The following SDK1 variants were observed in gnomAD, a reference collection of about 807,000 sequenced individuals.
SDK1 encodes the protein protein sidekick-1.
SDK1 carries 157 observed loss-of-function variants against 245.5 expected under a neutral mutation model. The observed-to-expected ratio is 0.64, with a 90% CI of 0.56 to 0.73. The LOEUF is 0.73. Among genes scored for constraint, SDK1 ranks in the 30% least tolerant of loss-of-function variants. The pLI, the probability that SDK1 is intolerant of heterozygous loss-of-function variation, is 0.00. For synonymous variants in SDK1, 1,647 were observed against 1,278.5 expected (o/e 1.29, Z -6.15); for missense variants, 3,583 against 3,002.3 (o/e 1.19, Z -4.52).
At chr7:3,983,581 C>A (rs1028819837) in intron 13 of SDK1, among the ~76,000 whole-genome samples, 1 of 152,224 alleles carries the variant, frequency 6.6e-6, no homozygotes, top group African/African-American at 2.4e-5. Flanking sequence ...TTTATATGCA[C>A]TGGGAAACCA....
At chr7:3,577,322 A>G (rs568521519) in intron 1 of SDK1, among the ~76,000 whole-genome samples, 9 of 152,212 alleles carry the variant, frequency 5.9e-5, no homozygotes, top group Admixed American at 5.9e-4. Context: ...TTTTACAGAC[A>G]AGGAAACAGA....
intron 1 of SDK1, among the ~76,000 whole-genome samples, chr7:3,388,055 T>G (rs574250915): frequency 1.3e-5 from 2 of 152,322 alleles, no homozygotes; most frequent in African/African-American, 2.4e-5. Context: ...ATTCTATATT[T>G]ATGTTCAGAT....
At chr7:3,647,118 G>A (rs547801464) in intron 4 of SDK1, among the ~76,000 whole-genome samples, 3 of 152,290 alleles carry the variant, frequency 2.0e-5, no homozygotes, top group East Asian at 1.9e-4. Flanking sequence ...ACGGATGGTG[G>A]CTCACACCTG....
intron 1 of SDK1, among the ~76,000 whole-genome samples, chr7:3,446,079 C>A (rs1780333501): frequency 6.6e-6 from 1 of 151,956 alleles, no homozygotes. Context: ...TCTATTGCTC[C>A]CTTCTGGTCC....
chr7:3,396,975 T>C (rs1251759041), intron 1 of SDK1, among the ~76,000 whole-genome samples: 1 of 151,834 alleles, frequency 6.6e-6, no homozygotes, highest in Non-Finnish European at 1.5e-5. Flanking sequence ...ATGGATTCTT[T>C]TCTTAAATGC....
At chr7:3,775,826 T>G (rs1472654968) in intron 4 of SDK1, among the ~76,000 whole-genome samples, 1 of 152,198 alleles carries the variant, frequency 6.6e-6, no homozygotes, top group Non-Finnish European at 1.5e-5. Context: ...TCCACCCGCC[T>G]CGGCCTCCCA....
rs144835767 is a variant in SDK1 at position 3,793,903 on chromosome 7, C to T, written c.714-27547C>T. ...GCCTGATGAGGACCTCATTGGTGTC[C>T]GGGAGCAGGGTGCTCCCTGCCCTGT... On this transcript the variant is annotated intron_variant, in intron 4 of 44. Coordinates refer to ENST00000404826, the MANE Select transcript of SDK1 (RefSeq NM_152744.4). Among the ~76,000 whole-genome samples the T allele has an allele frequency of 3.0e-3, 455 of 152,170 alleles. 6 individuals carry two copies. The highest frequency in any genetic ancestry group is 6.8e-3 in the Middle Eastern group (2 of 294).
intron 1 of SDK1, among the ~76,000 whole-genome samples, chr7:3,515,191 C>T (rs948593058): frequency 6.6e-6 from 1 of 152,126 alleles, no homozygotes; most frequent in Non-Finnish European, 1.5e-5. Flanking sequence ...TGAAGAAGAG[C>T]AGGGCTGTGC....
chr7:3,776,572 ATGT>A (rs1223426203), intron 4 of SDK1, among the ~76,000 whole-genome samples: 4 of 152,232 alleles, frequency 2.6e-5, no homozygotes, highest in Non-Finnish European at 4.4e-5. Context: ...TGAAGATAGT[ATGT>A]GAATATGTAT....
chr7:3,843,491 A>G (rs1476884033), intron 5 of SDK1, among the ~76,000 whole-genome samples: 1 of 152,114 alleles, frequency 6.6e-6, no homozygotes, highest in African/African-American at 2.4e-5. Context: ...CAAATTAACT[A>G]AAGTCAACCT....
intron 40 of SDK1, among the ~76,000 whole-genome samples, chr7:4,222,826 A>G (rs1419117782): frequency 6.6e-6 from 1 of 152,148 alleles, no homozygotes; most frequent in African/African-American, 2.4e-5. Flanking sequence ...GTGAAAGCCC[A>G]TGGCCCCTCA....
At chr7:4,094,111 C>A (rs1248076149) in intron 22 of SDK1, among the ~76,000 whole-genome samples, 2 of 152,094 alleles carry the variant, frequency 1.3e-5, no homozygotes, top group Admixed American at 1.3e-4. Flanking sequence ...GGCTGGAGTG[C>A]AGTGATGTGA....
chr7:3,319,878 C>CTTTTTTTGTTTTTTTTTTTTTT (rs1779755170), intron 1 of SDK1, among the ~76,000 whole-genome samples: 1 of 88,102 alleles, frequency 1.1e-5, no homozygotes, highest in African/African-American at 4.6e-5. Flanking sequence ...CATTCTTAGT[C>CTTTTTTTGTTTTTTTTTTTTTT]TTTTTTTTTT....
chr7:3,394,233 G>A (rs1272489980), intron 1 of SDK1, among the ~76,000 whole-genome samples: 1 of 152,094 alleles, frequency 6.6e-6, no homozygotes, highest in Non-Finnish European at 1.5e-5. Context: ...TTTGTGTAGG[G>A]TCTAAGATCA....
intron 1 of SDK1, among the ~76,000 whole-genome samples, chr7:3,583,455 C>T (rs1050087065): frequency 2.6e-5 from 4 of 152,102 alleles, no homozygotes; most frequent in African/African-American, 7.2e-5. Context: ...AGTAAACCAT[C>T]GCTGGAAATA....
chr7:3,564,155 G>A (rs951875610), intron 1 of SDK1, among the ~76,000 whole-genome samples: 1 of 148,164 alleles, frequency 6.7e-6, no homozygotes, highest in Non-Finnish European at 1.5e-5. Flanking sequence ...TTGGTAAAAA[G>A]AACACAAAGC....
rs115321929 is a variant in SDK1 at position 3,913,132 on chromosome 7, G to A, written c.848-37791G>A. Reference sequence around the variant, plus strand: ...GCATCTGGGAGGTGGGCAGAGCAAGGGGTACCGGGGGCCCTGCCATGAAGC... The same window carrying A: ...GCATCTGGGAGGTGGGCAGAGCAAGAGGTACCGGGGGCCCTGCCATGAAGC... On this transcript the variant is annotated intron_variant, in intron 5 of 44. Coordinates refer to ENST00000404826, the MANE Select transcript of SDK1 (RefSeq NM_152744.4). 5.1e-3 allele frequency among the ~76,000 whole-genome samples: 780 copies of A among 152,234 alleles called. 11 individuals carry two copies. The highest frequency in any genetic ancestry group is 0.018 in the African/African-American group (748 of 41,530).
chr7:4,104,427 T>C (rs1782773318), intron 22 of SDK1, among the ~76,000 whole-genome samples: 1 of 152,234 alleles, frequency 6.6e-6, no homozygotes, highest in Admixed American at 6.5e-5. Flanking sequence ...TTTGACTTAC[T>C]GTTTGTTGAT....
chr7:3,439,515 G>A (rs1248618252), intron 1 of SDK1, among the ~76,000 whole-genome samples: 1 of 152,154 alleles, frequency 6.6e-6, no homozygotes, highest in East Asian at 1.9e-4. Context: ...AGAAGCATAA[G>A]CTAAATCCAG....
Sources: gnomAD v4.1 joint callset for allele counts (sites outside exome capture counted in the v4.1 genomes callset) on GRCh38, gnomAD v4.1.1 for gene constraint, MANE v1.5 for transcripts, NCBI Gene and HGNC (gene_info 2026-07-23, HGNC 2026-07-21) for gene names.